The following GALNTL6 variants were observed in gnomAD, a reference collection of about 807,000 sequenced individuals.
The protein encoded by GALNTL6 is polypeptide N-acetylgalactosaminyltransferase like 6.
In GALNTL6, 46 loss-of-function variants were observed where a neutral mutation model predicts 73.7. The ratio of observed to expected loss-of-function variants is 0.62; its 90% CI spans 0.49 to 0.80. The LOEUF (loss-of-function observed/expected upper bound fraction) is 0.80. Ranked by LOEUF, GALNTL6 falls within the 30% of genes least tolerant of loss-of-function variation. The pLI is 0.00. For synonymous variants in GALNTL6, 259 were observed against 263.7 expected (o/e 0.98, Z 0.17); for missense variants, 604 against 755.0 (o/e 0.80, Z 2.34).
chr4:172,294,527 G>A (rs1293429721), intron 3 of GALNTL6, among the ~76,000 whole-genome samples: 2 of 152,092 alleles, frequency 1.3e-5, no homozygotes, highest in Non-Finnish European at 2.9e-5. Flanking sequence ...GGAATGCAAT[G>A]CATGGGAACT....
chr4:172,477,670 C>A (rs976945280), intron 5 of GALNTL6, among the ~76,000 whole-genome samples: 3 of 152,208 alleles, frequency 2.0e-5, no homozygotes, highest in Non-Finnish European at 4.4e-5. Flanking sequence ...AAATTCCATG[C>A]TGTGATTTGT....
At chr4:172,399,750 G>C (rs1403998614) in intron 5 of GALNTL6, among the ~76,000 whole-genome samples, 2 of 152,076 alleles carry the variant, frequency 1.3e-5, no homozygotes, top group African/African-American at 4.8e-5. Flanking sequence ...TATGGAAATT[G>C]ATGAGTTTTT....
chr4:172,976,871 G>A (rs1005696060), intron 10 of GALNTL6, among the ~76,000 whole-genome samples: 2 of 148,886 alleles, frequency 1.3e-5, no homozygotes, highest in African/African-American at 2.5e-5. Context: ...AAATGCACAG[G>A]AGGCTGAGAT....
chr4:172,085,204 T>C (rs1731994781), intron 2 of GALNTL6, among the ~76,000 whole-genome samples: 1 of 152,140 alleles, frequency 6.6e-6, no homozygotes, highest in South Asian at 2.1e-4. Flanking sequence ...AAAATACCCA[T>C]ATTTTGTTGA....
At chr4:172,697,743 A>C (rs1733781254) in intron 5 of GALNTL6, among the ~76,000 whole-genome samples, 1 of 152,174 alleles carries the variant, frequency 6.6e-6, no homozygotes, top group Admixed American at 6.5e-5. Context: ...TAAATATATC[A>C]TATTATTAAA....
chr4:172,286,179 G>T (rs555526099), intron 3 of GALNTL6, among the ~76,000 whole-genome samples: 1 of 152,122 alleles, frequency 6.6e-6, no homozygotes, highest in East Asian at 1.9e-4. Context: ...TTGCTAGTTT[G>T]TCTGATAAAA....
chr4:171,874,143 A>C (rs1442244213), intron 2 of GALNTL6, among the ~76,000 whole-genome samples: 3 of 152,198 alleles, frequency 2.0e-5, no homozygotes, highest in Non-Finnish European at 2.9e-5. Flanking sequence ...TAGATTTGAC[A>C]CAAACCTTCC....
Position 173,039,945 on chromosome 4 carries a change from T to C in GALNTL6, c.1651T>C (p.Phe551Leu). 6.2e-7 allele frequency: 1 copy of C among 1,613,572 alleles called. No individual in the cohort carries two copies. The highest frequency in any genetic ancestry group is 8.5e-7 in the Non-Finnish European group (1 of 1,179,788). The change falls in exon 13 of 13, where the codon TTC becomes CTC. Residue 551 changes from phenylalanine to leucine, a missense_variant. Phe to Leu is a conservative substitution (Grantham distance 22). Around this residue, in one of 5 missense-constraint regions of GALNTL6, gnomAD observed 261 missense variants for 296.5 expected, o/e 0.88. Coordinates refer to ENST00000506823, the MANE Select transcript of GALNTL6 (RefSeq NM_001034845.3). ...LWGYRKDRTL[F>L]HPVSNSCMDC... ...CTCACTCCTCCAGGACAGAACATTA[T>C]TCCATCCTGTGAGCAACAGCTGCAT... is the stretch of plus-strand genomic sequence containing the variant.
intron 2 of GALNTL6, among the ~76,000 whole-genome samples, chr4:171,964,787 C>A (rs1307550343): frequency 6.6e-6 from 1 of 152,186 alleles, no homozygotes; most frequent in African/African-American, 2.4e-5. Context: ...ACAGTACTGT[C>A]TGTTCTGGCG....
chr4:173,012,622 G>A (rs149679605), intron 11 of GALNTL6, among the ~76,000 whole-genome samples: 160 of 152,292 alleles, frequency 1.1e-3, no homozygotes, highest in African/African-American at 3.6e-3. Flanking sequence ...TTCCATCTTG[G>A]ACAGGGTGGT....
At chr4:172,721,151 A>C (rs1735448624) in intron 5 of GALNTL6, among the ~76,000 whole-genome samples, 1 of 152,252 alleles carries the variant, frequency 6.6e-6, no homozygotes, top group African/African-American at 2.4e-5. Context: ...TTGTGAATCT[A>C]AAATGTTATG....
chr4:172,108,475 G>A (rs1732749722), intron 2 of GALNTL6, among the ~76,000 whole-genome samples: 1 of 152,140 alleles, frequency 6.6e-6, no homozygotes. Flanking sequence ...TAAACAGTCA[G>A]GAAGTCAAAA....
At chr4:171,881,284 T>C (rs1182803333) in intron 2 of GALNTL6, among the ~76,000 whole-genome samples, 1 of 152,188 alleles carries the variant, frequency 6.6e-6, no homozygotes, top group South Asian at 2.1e-4. Flanking sequence ...CTTTTTTATA[T>C]AGATAATTTA....
chr4:172,098,970 A>AG (rs1010641419), intron 2 of GALNTL6, among the ~76,000 whole-genome samples: 26 of 152,150 alleles, frequency 1.7e-4, no homozygotes, highest in African/African-American at 6.3e-4. Flanking sequence ...ATGTTATGAC[A>AG]GGGAACAAAA....
At chr4:172,211,569 G>A (rs930413137) in intron 2 of GALNTL6, among the ~76,000 whole-genome samples, 8 of 152,132 alleles carry the variant, frequency 5.3e-5, no homozygotes, top group African/African-American at 1.9e-4. Flanking sequence ...TATATGTGCA[G>A]AAGCATCAGA....
chr4:172,067,728 G>A (rs563531092), intron 2 of GALNTL6, among the ~76,000 whole-genome samples: 1 of 110,532 alleles, frequency 9.0e-6, no homozygotes, highest in Admixed American at 9.4e-5. Context: ...ACAGTCCAAT[G>A]ATCATTACCA....
chr4:171,839,908 T>C (rs545697913), intron 2 of GALNTL6, among the ~76,000 whole-genome samples: 3 of 152,268 alleles, frequency 2.0e-5, no homozygotes, highest in African/African-American at 7.2e-5. Context: ...ATCATTTAAA[T>C]GTATCATATC....
chr4:172,904,747 GA>G (rs35571015), intron 8 of GALNTL6, among the ~76,000 whole-genome samples: 4 of 151,194 alleles, frequency 2.6e-5, no homozygotes, highest in East Asian at 1.9e-4. Context: ...CTCTTAAGCA[GA>G]AAAAAAAAGT....
intron 2 of GALNTL6, among the ~76,000 whole-genome samples, chr4:171,995,048 G>C (rs948628792): frequency 2.0e-5 from 3 of 151,692 alleles, no homozygotes; most frequent in African/African-American, 7.3e-5. Flanking sequence ...CTTAGAAACT[G>C]TTCTTATAAA....
Sources: allele counts gnomAD v4.1 joint callset (sites outside exome capture counted in the v4.1 genomes callset), GRCh38; gene constraint gnomAD v4.1.1; regional missense constraint gnomAD v4.1.1; transcripts MANE v1.5; gene names NCBI Gene and HGNC (gene_info 2026-07-23, HGNC 2026-07-21).